TMEM63A: variants seen among roughly 807,000 people sequenced by gnomAD.
The protein encoded by TMEM63A is mechanosensitive cation channel TMEM63A.
TMEM63A carries 76 observed loss-of-function variants against 100.6 expected under a neutral mutation model. That is an observed-to-expected ratio of 0.76 (90% CI 0.63 to 0.91). The LOEUF (loss-of-function observed/expected upper bound fraction) is 0.91. TMEM63A is among the 40% of genes least tolerant of loss of function. TMEM63A has a pLI of 0.00. For synonymous variants in TMEM63A, 401 were observed against 401.1 expected (o/e 1.00, Z 0.00); for missense variants, 876 against 1,008.8 (o/e 0.87, Z 1.78).
chr1:225,878,885 TACACACACACAC>T lies in TMEM63A; in HGVS notation c.-15+323_-15+334del, dbSNP rs55792328. Among the ~76,000 whole-genome samples, 56 of 139,588 alleles carry T rather than the reference TACACACACACAC, an allele frequency of 4.0e-4. 1 individual carries two copies. Among genetic ancestry groups the T allele is most frequent in the South Asian group, 1.9e-3 (8 of 4,134 alleles). The allele number at this position is 139,588 out of a possible 152,430, so 91.6% of individuals were successfully genotyped here. A position where few individuals can be genotyped will look rare whatever the true frequency, so the allele number is the denominator to read the frequency against. On this transcript the variant is annotated intron_variant, in intron 2 of 24. Transcript: ENST00000366835. ...ACACCTACCTACCTACCTACCTACC[TACACACACACAC>T]ACACACACACACACACACACACACA...
Position 225,848,507 on chromosome 1 carries a change from C to T in TMEM63A, c.2235G>A (p.Met745Ile), listed in dbSNP as rs1023014137. The change falls in exon 23 of 25, where the codon ATG becomes ATA. Residue 745 changes from methionine (M) to isoleucine (I), a missense_variant. This residue lies in a region of TMEM63A where 339 missense variants were observed against 342.3 expected (regional missense o/e 0.99). Transcript: ENST00000366835. ...SDKGSEAEAHMPPPFTPYVPR... is the reference protein window; with the variant it reads ...SDKGSEAEAHIPPPFTPYVPR... Reference sequence around the variant, plus strand: ...CACAGCTTACTGTGAACGGTGGGGGCATGTGGGCCTCTGCCTCACTTCCTT... The same window carrying T: ...CACAGCTTACTGTGAACGGTGGGGGTATGTGGGCCTCTGCCTCACTTCCTT... 8.7e-6 allele frequency: 14 copies of T among 1,614,160 alleles called. No homozygotes were observed. The highest frequency in any genetic ancestry group is 1.6e-4 in the Middle Eastern group (1 of 6,062).
chr1:225,868,921 T>A (rs787601), intron 6 of TMEM63A, among the ~76,000 whole-genome samples: 147,321 of 152,148 alleles, frequency 0.97, 71,348 homozygotes, highest in East Asian at 1. Flanking sequence ...GACTCAGAAA[T>A]TTCCAGGTTC....
At chr1:225,843,669 G>T (rs1426039778), downstream of TMEM63A, among the ~76,000 whole-genome samples, 1 of 152,202 alleles carries the variant, frequency 6.6e-6, no homozygotes, top group African/African-American at 2.4e-5. Context: ...TCCCTGAGCA[G>T]GAGGTAGACA....
intron 1 of TMEM63A, among the ~76,000 whole-genome samples, chr1:225,880,101 G>A (rs1193690490): frequency 6.6e-6 from 1 of 152,118 alleles, no homozygotes; most frequent in South Asian, 2.1e-4. Flanking sequence ...TTCCCAGGGT[G>A]GTTTGACAAA....
intron 20 of TMEM63A, 27 bp downstream of exon 20, chr1:225,852,637 C>G (rs1244987935): frequency 6.2e-7 from 1 of 1,609,508 alleles, no homozygotes; most frequent in Non-Finnish European, 8.5e-7. Context: ...ACCCATGTAC[C>G]CTGGGACAGG....
At chr1:225,881,610 T>C (rs557396852) in intron 1 of TMEM63A, among the ~76,000 whole-genome samples, 1 of 152,282 alleles carries the variant, frequency 6.6e-6, no homozygotes, top group East Asian at 1.9e-4. Context: ...GAGGATGACC[T>C]GAGAGGTGTC....
At chr1:225,878,881 TACCTACACACACACACACACACACACAC>T (rs1670947441) in intron 2 of TMEM63A, among the ~76,000 whole-genome samples, 1 of 89,002 alleles carries the variant, frequency 1.1e-5, no homozygotes, top group Non-Finnish European at 2.2e-5. Context: ...CCTACCTACC[TACCTACACACACACACACACACACACAC>T]ACACACACAC....
intron 1 of TMEM63A, among the ~76,000 whole-genome samples, chr1:225,880,901 T>C (rs1671056603): frequency 6.6e-6 from 1 of 152,172 alleles, no homozygotes; most frequent in Admixed American, 6.5e-5. Context: ...TTGCAGGAAG[T>C]ATATGGATAT....
chr1:225,873,500 G>A (rs752329025), intron 4 of TMEM63A, among the ~76,000 whole-genome samples: 2 of 152,090 alleles, frequency 1.3e-5, no homozygotes, highest in Non-Finnish European at 2.9e-5. Flanking sequence ...GCTGGGGCCA[G>A]TCCCTGAGTT....
At position 225,848,654 on chromosome 1, in the gene TMEM63A, C is replaced by T. The variant is rs924034919; in HGVS notation, c.2188-100G>A. 8 of 1,267,322 alleles carry T rather than the reference C, an allele frequency of 6.3e-6. No individual in the cohort carries two copies. In the African/African-American group the frequency reaches 1.2e-4, roughly 19 times the overall value. 78.5% of individuals were successfully genotyped at this position (1,267,322 alleles called of 1,614,324 possible). A position where few individuals can be genotyped will look rare whatever the true frequency, so the allele number is the denominator to read the frequency against. ...ACTATTAACACCCGGAATAATAGTA[C>T]CAGCTGGCACCAAGCTCCCCAGCAG... On this transcript the variant is annotated intron_variant, in intron 22 of 24. Coordinates refer to ENST00000366835, the MANE Select transcript of TMEM63A (RefSeq NM_014698.3).
intron 23 of TMEM63A, 76 bp downstream of exon 23, chr1:225,848,416 G>A: frequency 1.4e-6 from 2 of 1,468,346 alleles, no homozygotes; most frequent in Non-Finnish European, 1.9e-6. Flanking sequence ...ATTTGCCGGG[G>A]CCCATCTGGT....
At chr1:225,870,944 G>T in intron 6 of TMEM63A, 132 bp downstream of exon 6, 1 of 925,866 alleles carries the variant, frequency 1.1e-6, no homozygotes, top group Non-Finnish European at 1.7e-6. Flanking sequence ...ATACTGCTTT[G>T]GACATTAACT....
rs1669899389 is a variant in TMEM63A at position 225,860,852 on chromosome 1, G to A, written c.1223+8C>T. 1.2e-6 allele frequency: 2 copies of A among 1,603,838 alleles called. No homozygotes were observed. Among genetic ancestry groups the A allele is most frequent in the East Asian group, 2.2e-5 (1 of 44,516 alleles). On this transcript the variant is annotated splice_region_variant and intron_variant, in intron 14 of 24. Transcript: ENST00000366835. ...TCTCTCCCACCTCTCCTTGGTCTAGGAGCTTACCAGCAGATGTCCTCAGGG... is the reference window on the plus strand; with the variant it reads ...TCTCTCCCACCTCTCCTTGGTCTAGAAGCTTACCAGCAGATGTCCTCAGGG...
chr1:225,875,600 ATGT>A (rs753642888), intron 3 of TMEM63A, among the ~76,000 whole-genome samples: 9 of 152,184 alleles, frequency 5.9e-5, no homozygotes, highest in Non-Finnish European at 8.8e-5. Context: ...CAGGTGAGTC[ATGT>A]TGTAGGAAAA....
rs762843499 is a variant in TMEM63A, at chr1:225,860,879, C to T, written c.1204G>A (p.Asp402Asn). The T allele has an allele frequency of 6.2e-7, 1 of 1,610,272 alleles. No individual in the cohort carries two copies. The highest frequency in any genetic ancestry group is 8.5e-7 in the Non-Finnish European group (1 of 1,178,274). Residue 402 changes from aspartate to asparagine, a missense_variant, in exon 14 of 25, where the codon GAC (aspartate) becomes AAC (asparagine). Asp to Asn is a conservative substitution (Grantham distance 23). Coordinates refer to ENST00000366835, the MANE Select transcript of TMEM63A (RefSeq NM_014698.3). ...TSKWTVTFAA[D>N]PEDICWKNLS... is the part of the protein sequence containing the mutation. ...GCTTACCAGCAGATGTCCTCAGGGT[C>T]AGCAGCAAAGGTGACTGTCCACTTG...
chr1:225,860,938 T>C lies in TMEM63A; in HGVS notation c.1145A>G (p.Gln382Arg). Reference protein sequence around the residue: ...CQSLQCKGEPQPSSHSRELYT... With the variant: ...CQSLQCKGEPRPSSHSRELYT... The stretch of plus-strand genomic sequence containing the variant: ...GAGCTCCCTGCTATGGGAGGACGGC[T>C]GGGGCTCACCTTTGCACTGAAGGCT... The change falls in exon 14 of 25, where the codon CAG (glutamine) becomes CGG (arginine). Residue 382 changes from glutamine (Q) to arginine (R), a missense_variant. Physicochemically the swap from Gln to Arg is conservative, Grantham distance 43 (BLOSUM62 1). Around this residue, in one of 5 missense-constraint regions of TMEM63A, gnomAD observed 487 missense variants for 581.9 expected, o/e 0.84. Transcript: ENST00000366835. The C allele has an allele frequency of 1.2e-6, 2 of 1,613,206 alleles. No individual in the cohort carries two copies. The highest frequency in any genetic ancestry group is 1.7e-6 in the Non-Finnish European group (2 of 1,179,636).
At chr1:225,874,929 T>G (rs1185623698) in intron 3 of TMEM63A, among the ~76,000 whole-genome samples, 1 of 152,208 alleles carries the variant, frequency 6.6e-6, no homozygotes, top group African/African-American at 2.4e-5. Context: ...AGACAGGGTT[T>G]CACCATATTG....
downstream of TMEM63A, chr1:225,844,626 G>T (rs1387478882): frequency 6.2e-7 from 1 of 1,613,766 alleles, no homozygotes; most frequent in Non-Finnish European, 8.5e-7. Flanking sequence ...CATGAGCGGT[G>T]AGCCTGGCTG....
Position 225,849,007 on chromosome 1 carries a change from T to C in TMEM63A, c.2077A>G (p.Lys693Glu), listed in dbSNP as rs1454641185. Residue 693 changes from lysine (K) to glutamate (E), a missense_variant, in exon 22 of 25, where the codon AAG (lysine) becomes GAG (glutamate). Around this residue, in one of 5 missense-constraint regions of TMEM63A, gnomAD observed 339 missense variants for 342.3 expected, o/e 0.99. Coordinates refer to ENST00000366835, the MANE Select transcript of TMEM63A (RefSeq NM_014698.3). ...YFFSFLRLGM[K>E]APATLFTFLV... is the part of the protein sequence containing the mutation. Reference sequence around the variant, plus strand: ...AAGGTGAACAGAGTGGCGGGGGCCTTCATACCTGGTGATAGAGGGTGGCTA... The same window carrying C: ...AAGGTGAACAGAGTGGCGGGGGCCTCCATACCTGGTGATAGAGGGTGGCTA... The C allele has an allele frequency of 1.6e-6, 2 of 1,288,796 alleles. No homozygotes were observed. The highest frequency in any genetic ancestry group is 2.1e-6 in the Non-Finnish European group (2 of 965,580). 79.8% of individuals were successfully genotyped at this position (1,288,796 alleles called of 1,614,324 possible).
Sources: allele counts gnomAD v4.1 joint callset (sites outside exome capture counted in the v4.1 genomes callset), GRCh38; gene constraint gnomAD v4.1.1; regional missense constraint gnomAD v4.1.1; transcripts MANE v1.5; gene names NCBI Gene and HGNC (gene_info 2026-07-23, HGNC 2026-07-21).